The following RASSF3 variants were observed in gnomAD, a reference collection of about 807,000 sequenced individuals.
The protein encoded by RASSF3 is ras association domain-containing protein 3.
In RASSF3, 19 loss-of-function variants were observed where a neutral mutation model predicts 19.9. The ratio of observed to expected loss-of-function variants is 0.96; its 90% CI spans 0.67 to 1.40. The LOEUF (loss-of-function observed/expected upper bound fraction) is 1.40, where lower values mean the gene tolerates loss of function less well. Among genes scored for constraint, RASSF3 ranks in the 40% most tolerant of loss-of-function variants. The probability of loss-of-function intolerance (pLI) is 0.00; values close to 1 mark genes in which losing one functional copy is unlikely to be tolerated. For synonymous variants in RASSF3, 110 were observed against 104.2 expected, an observed-to-expected ratio of 1.06 and a Z score of -0.34; for missense variants, 306 against 289.8, an observed-to-expected ratio of 1.06 and a Z score of -0.41.
At chr12:64,569,449 C>T (rs1391709758) in intron 2 of RASSF3, among the ~76,000 whole-genome samples, 1 of 152,156 alleles carries the variant, frequency 6.6e-6, no homozygotes, top group Non-Finnish European at 1.5e-5. Context: ...GGTGTTGGCC[C>T]CTTCCCACCT....
chr12:64,694,701 G>T (rs1868329297), intron 4 of RASSF3, 62 bp from the exon 5 acceptor site: 1 of 1,582,020 alleles, frequency 6.3e-7, no homozygotes. Flanking sequence ...CTCCTGGTCA[G>T]CATTCCTAAG....
At chr12:64,583,440 G>A (rs939766230) in intron 2 of RASSF3, among the ~76,000 whole-genome samples, 1 of 152,106 alleles carries the variant, frequency 6.6e-6, no homozygotes, top group Admixed American at 6.6e-5. Flanking sequence ...TGGCCAACAT[G>A]GTAAAACTTC....
rs77268256 is a variant in RASSF3 at position 64,626,214 on chromosome 12, G to C, written c.111+15471G>C. ...ATATAAAGGGCTTGGAACTATACCTGGCATATAAGTACATGTTTAATAAAG... is the reference window on the plus strand; with the variant it reads ...ATATAAAGGGCTTGGAACTATACCTCGCATATAAGTACATGTTTAATAAAG... On this transcript the variant is annotated intron_variant, in intron 1 of 4. Coordinates refer to ENST00000542104, the MANE Select transcript of RASSF3 (RefSeq NM_178169.4). 2.9e-3 allele frequency among the ~76,000 whole-genome samples: 443 copies of C among 152,048 alleles called. 1 individual carries two copies. The highest frequency in any genetic ancestry group is 9.8e-3 in the African/African-American group (408 of 41,478).
intron 1 of RASSF3, among the ~76,000 whole-genome samples, chr12:64,634,620 G>A (rs1871269640): frequency 6.6e-6 from 1 of 151,944 alleles, no homozygotes; most frequent in African/African-American, 2.4e-5. Flanking sequence ...TTCTAGCCCT[G>A]CGTGGTGACA....
upstream of RASSF3, among the ~76,000 whole-genome samples, chr12:64,530,623 A>G (rs1358769173): frequency 6.6e-6 from 1 of 152,198 alleles, no homozygotes; most frequent in African/African-American, 2.4e-5. Flanking sequence ...GTAGATGTAT[A>G]TTTAACTTTT....
At chr12:64,661,624 G>GT (rs1455544382) in intron 1 of RASSF3, among the ~76,000 whole-genome samples, 1 of 149,086 alleles carries the variant, frequency 6.7e-6, no homozygotes, top group Non-Finnish European at 1.5e-5. Flanking sequence ...GAACCCAGGT[G>GT]TTTAAGTGCA....
At chr12:64,567,014 G>C (rs1869443719) in intron 2 of RASSF3, among the ~76,000 whole-genome samples, 1 of 152,170 alleles carries the variant, frequency 6.6e-6, no homozygotes, top group Non-Finnish European at 1.5e-5. Flanking sequence ...GGTTCACTGA[G>C]GGCAGGGATA....
chr12:64,667,915 G>C (rs1210523939), intron 1 of RASSF3, among the ~76,000 whole-genome samples: 3 of 152,130 alleles, frequency 2.0e-5, no homozygotes, highest in African/African-American at 7.2e-5. Flanking sequence ...GAATTAAGAG[G>C]TAAGAAAGTA....
At chr12:64,669,070 T>A (rs1872616215) in intron 1 of RASSF3, among the ~76,000 whole-genome samples, 1 of 152,202 alleles carries the variant, frequency 6.6e-6, no homozygotes, top group Non-Finnish European at 1.5e-5. Context: ...AAACTTGGGT[T>A]ACACCTGGGA....
chr12:64,635,522 T>G (rs1871302487), intron 1 of RASSF3, among the ~76,000 whole-genome samples: 2 of 152,198 alleles, frequency 1.3e-5, no homozygotes, highest in African/African-American at 4.8e-5. Flanking sequence ...ATGGCTCACA[T>G]TTATGGTACA....
At chr12:64,602,034 G>A (rs893774566) in intron 2 of RASSF3, among the ~76,000 whole-genome samples, 1 of 150,602 alleles carries the variant, frequency 6.6e-6, no homozygotes, top group South Asian at 2.1e-4. Context: ...GGAGAATGGG[G>A]TGAACCTGGG....
intron 1 of RASSF3, among the ~76,000 whole-genome samples, chr12:64,538,338 C>T (rs1868873062): frequency 6.6e-6 from 1 of 152,118 alleles, no homozygotes; most frequent in African/African-American, 2.4e-5. Flanking sequence ...TGGATTAGGG[C>T]CCATCCACAT....
chr12:64,686,681 G>A (rs1446457103), intron 2 of RASSF3, among the ~76,000 whole-genome samples: 2 of 152,018 alleles, frequency 1.3e-5, no homozygotes, highest in African/African-American at 4.8e-5. Context: ...AGAAAAATTA[G>A]CCAGGCATGG....
downstream of RASSF3, among the ~76,000 whole-genome samples, chr12:64,543,685 C>T (rs550314365): frequency 6.6e-6 from 1 of 151,182 alleles, no homozygotes; most frequent in African/African-American, 2.4e-5. Context: ...GCCCCTAGTG[C>T]GCGATCCACT....
At chr12:64,688,665 A>T (rs1873455469) in intron 3 of RASSF3, among the ~76,000 whole-genome samples, 1 of 151,964 alleles carries the variant, frequency 6.6e-6, no homozygotes, top group Non-Finnish European at 1.5e-5. Flanking sequence ...AGGAGCTTGG[A>T]AGCATCCATA....
At chr12:64,645,113 A>T (rs1239722170) in intron 1 of RASSF3, among the ~76,000 whole-genome samples, 1 of 152,094 alleles carries the variant, frequency 6.6e-6, no homozygotes, top group East Asian at 1.9e-4. Flanking sequence ...GATTTTCTGA[A>T]TTTTTTCAAC....
intron 1 of RASSF3, among the ~76,000 whole-genome samples, chr12:64,650,408 CT>C (rs67304103): frequency 0.13 from 10,648 of 85,174 alleles, 143 homozygotes; most frequent in South Asian, 0.19. Flanking sequence ...TTTTTTTTTC[CT>C]TTTTTTTTTT....
chr12:64,523,928 C>T (rs1388977253), intron 1 of RASSF3, among the ~76,000 whole-genome samples: 1 of 152,082 alleles, frequency 6.6e-6, no homozygotes, highest in Non-Finnish European at 1.5e-5. Context: ...ATCTCCTGCC[C>T]CACAGCCCAG....
At chr12:64,601,965 A>C (rs1286954155) in intron 2 of RASSF3, among the ~76,000 whole-genome samples, 1 of 151,486 alleles carries the variant, frequency 6.6e-6, no homozygotes, top group Admixed American at 6.6e-5. Context: ...AAAATACAAA[A>C]AATTAGCCGG....
Sources: gnomAD v4.1 joint callset for allele counts (sites outside exome capture counted in the v4.1 genomes callset) on GRCh38, gnomAD v4.1.1 for gene constraint, MANE v1.5 for transcripts, NCBI Gene and HGNC (gene_info 2026-07-23, HGNC 2026-07-21) for gene names.